The following HS6ST3 variants were observed in gnomAD, a reference collection of about 807,000 sequenced individuals.
HS6ST3 encodes heparan-sulfate 6-O-sulfotransferase 3.
A neutral mutation model predicts 36.7 loss-of-function variants in HS6ST3; 12 were observed. That is an observed-to-expected ratio of 0.33 (90% CI 0.21 to 0.53). The LOEUF is 0.53. Among genes scored for constraint, HS6ST3 ranks in the 20% least tolerant of loss-of-function variants. HS6ST3 has a pLI of 0.95. For missense variants in HS6ST3, 584 were observed against 640.9 expected (o/e 0.91, Z 0.96); for synonymous variants, 240 against 257.5 (o/e 0.93, Z 0.65).
intron 1 of HS6ST3, among the ~76,000 whole-genome samples, chr13:96,223,654 G>T (rs1230952217): frequency 1.7e-5 from 2 of 120,826 alleles, no homozygotes; most frequent in Admixed American, 9.3e-5. Flanking sequence ...GAATGGATAT[G>T]GGGGGGGGGA....
At chr13:96,673,753 T>A (rs1387075805) in intron 1 of HS6ST3, among the ~76,000 whole-genome samples, 1 of 152,148 alleles carries the variant, frequency 6.6e-6, no homozygotes, top group East Asian at 1.9e-4. Context: ...ACCCTTCTGC[T>A]GATATTAAAA....
chr13:96,402,054 C>T (rs2389669), intron 1 of HS6ST3, among the ~76,000 whole-genome samples: 73,218 of 151,948 alleles, frequency 0.48, 18,032 homozygotes, highest in Middle Eastern at 0.58. Flanking sequence ...GAAATTCTCC[C>T]ATCTCAGCAT....
chr13:96,329,886 T>G (rs1037446868), intron 1 of HS6ST3, among the ~76,000 whole-genome samples: 1 of 144,064 alleles, frequency 6.9e-6, no homozygotes, highest in Non-Finnish European at 1.5e-5. Context: ...TGCATATATA[T>G]TTAGGATAGT....
chr13:96,230,053 T>C lies in HS6ST3; in HGVS notation c.707+138484T>C, dbSNP rs922167131. On this transcript the variant is annotated intron_variant, in intron 1 of 1. Transcript: ENST00000376705. Reference sequence around the variant, plus strand: ...CAGGTTAGAGCATGGGAGGAACATGTTGAATTGGCAGAAGATGAGTCTAAA... The same window carrying C: ...CAGGTTAGAGCATGGGAGGAACATGCTGAATTGGCAGAAGATGAGTCTAAA... 3.3e-5 allele frequency among the ~76,000 whole-genome samples: 5 copies of C among 152,132 alleles called. No individual in the cohort carries two copies. The South Asian group carries it at 6.2e-4, about 19-fold the overall frequency.
chr13:96,325,886 T>C (rs747049304), intron 1 of HS6ST3, among the ~76,000 whole-genome samples: 28 of 152,212 alleles, frequency 1.8e-4, no homozygotes, highest in Non-Finnish European at 3.7e-4. Context: ...ATTTCCCTCC[T>C]GTATTCATTA....
intron 1 of HS6ST3, among the ~76,000 whole-genome samples, chr13:96,485,265 T>C (rs966899051): frequency 6.6e-6 from 1 of 152,176 alleles, no homozygotes; most frequent in Admixed American, 6.5e-5. Flanking sequence ...GTTTCTTTCA[T>C]AGGAGGTTTG....
At chr13:96,635,764 G>A (rs2056547251) in intron 1 of HS6ST3, among the ~76,000 whole-genome samples, 1 of 152,082 alleles carries the variant, frequency 6.6e-6, no homozygotes, top group African/African-American at 2.4e-5. Flanking sequence ...TAGACCCCTT[G>A]CTACATGCCA....
intron 1 of HS6ST3, among the ~76,000 whole-genome samples, chr13:96,725,670 A>ATGTGTGTG (rs371549749): frequency 6.7e-6 from 1 of 148,436 alleles, no homozygotes; most frequent in African/African-American, 2.5e-5. Context: ...ACTGAATTGC[A>ATGTGTGTG]TGTGTGTGTG....
chr13:96,337,500 C>T (rs2055107929), intron 1 of HS6ST3, among the ~76,000 whole-genome samples: 1 of 152,176 alleles, frequency 6.6e-6, no homozygotes, highest in Middle Eastern at 3.4e-3. Context: ...TTCATTGTTT[C>T]CAGTTTCCAG....
chr13:96,122,335 A>G (rs1451127636), intron 1 of HS6ST3, among the ~76,000 whole-genome samples: 1 of 152,006 alleles, frequency 6.6e-6, no homozygotes, highest in Non-Finnish European at 1.5e-5. Context: ...TTGTCACAAG[A>G]CAACATACAA....
chr13:96,091,268 C>A lies in HS6ST3; in HGVS notation c.406C>A (p.Arg136Ser). The change falls in exon 1 of 2, where the codon CGC (arginine) becomes AGC (serine). Residue 136 changes from arginine (R) to serine (S), a missense_variant. Physicochemically the swap from Arg to Ser is moderately radical, Grantham distance 110. Around this residue, in one of 3 missense-constraint regions of HS6ST3, gnomAD observed 217 missense variants for 205.4 expected, o/e 1.06. Coordinates refer to ENST00000376705, the MANE Select transcript of HS6ST3 (RefSeq NM_153456.4). ...RFNFSLKDLT[R>S]FVDFNIKGRD... ...CAACTTCAGCCTGAAGGACCTGACC[C>A]GCTTCGTGGATTTCAACATCAAAGG... The A allele has an allele frequency of 6.2e-7, 1 of 1,611,484 alleles. No individual in the cohort carries two copies. The highest frequency in any genetic ancestry group is 1.1e-5 in the South Asian group (1 of 90,552).
At chr13:96,770,847 G>T (rs1311191952) in intron 1 of HS6ST3, among the ~76,000 whole-genome samples, 2 of 152,194 alleles carry the variant, frequency 1.3e-5, no homozygotes, top group East Asian at 3.9e-4. Flanking sequence ...TGCATAATCA[G>T]CTATTGTCTC....
At chr13:96,724,974 A>G (rs1486176140) in intron 1 of HS6ST3, among the ~76,000 whole-genome samples, 1 of 152,208 alleles carries the variant, frequency 6.6e-6, no homozygotes, top group African/African-American at 2.4e-5. Context: ...GTAACATTTT[A>G]TATTCCAACC....
intron 1 of HS6ST3, among the ~76,000 whole-genome samples, chr13:96,808,145 C>A (rs554787484): frequency 2.0e-5 from 3 of 152,118 alleles, no homozygotes; most frequent in Non-Finnish European, 4.4e-5. Context: ...TACAGAGGAG[C>A]CTTGGTCGGA....
chr13:96,229,627 C>T (rs1021990460), intron 1 of HS6ST3, among the ~76,000 whole-genome samples: 3 of 152,210 alleles, frequency 2.0e-5, no homozygotes, highest in African/African-American at 7.2e-5. Flanking sequence ...CCCAAAGGCT[C>T]CACCTTCAGT....
intron 1 of HS6ST3, among the ~76,000 whole-genome samples, chr13:96,186,552 G>C (rs1462000078): frequency 6.6e-6 from 1 of 152,188 alleles, no homozygotes; most frequent in Non-Finnish European, 1.5e-5. Context: ...TTCCACTAAG[G>C]AGACCTTTGT....
chr13:96,689,865 T>C (rs1051265666), intron 1 of HS6ST3, among the ~76,000 whole-genome samples: 4 of 152,064 alleles, frequency 2.6e-5, no homozygotes, highest in African/African-American at 7.2e-5. Flanking sequence ...TATCCAGTTT[T>C]GATTTTGCAT....
chr13:96,420,348 C>A (rs1464498361), intron 1 of HS6ST3, among the ~76,000 whole-genome samples: 1 of 152,142 alleles, frequency 6.6e-6, no homozygotes, highest in Non-Finnish European at 1.5e-5. Context: ...GATCTTTATG[C>A]ATCCTCCTCT....
At chr13:96,149,349 A>G (rs1286825024) in intron 1 of HS6ST3, among the ~76,000 whole-genome samples, 1 of 152,178 alleles carries the variant, frequency 6.6e-6, no homozygotes, top group Non-Finnish European at 1.5e-5. Flanking sequence ...AGAGTAGCTC[A>G]TGATCATTTT....
Sources: gnomAD v4.1 joint callset for allele counts (sites outside exome capture counted in the v4.1 genomes callset) on GRCh38, gnomAD v4.1.1 for gene constraint, gnomAD v4.1.1 regional missense constraint, MANE v1.5 for transcripts, NCBI Gene and HGNC (gene_info 2026-07-23, HGNC 2026-07-21) for gene names.